Variants in ZCCHC7 observed in about 807,000 individuals in gnomAD.
ZCCHC7 encodes zinc finger CCHC domain-containing protein 7.
ZCCHC7 carries 35 observed loss-of-function variants against 52.0 expected under a neutral mutation model. The observed-to-expected ratio is 0.67, with a 90% CI of 0.51 to 0.89. The LOEUF (loss-of-function observed/expected upper bound fraction) is 0.89, where lower values mean the gene tolerates loss of function less well. ZCCHC7 is among the 40% of genes least tolerant of loss of function. ZCCHC7 has a pLI of 0.00. For missense variants in ZCCHC7, 574 were observed against 649.1 expected (o/e 0.88, Z 1.26); for synonymous variants, 217 against 221.5 (o/e 0.98, Z 0.18).
In ZCCHC7 at chr9:37,288,348, A is replaced by ATT. The variant is rs34571526; in HGVS notation, c.611-13828_611-13827dup. ...GATAGATTTTTTTATAGGTAGATAG[A>ATT]TTTTTTTTTTTTTCTGGAGCTAAAT... On this transcript the variant is annotated intron_variant, in intron 2 of 8. Transcript: ENST00000336755. Among the ~76,000 whole-genome samples, 514 of 141,368 alleles carry ATT rather than the reference A, an allele frequency of 3.6e-3. 1 individual carries two copies. The highest frequency in any genetic ancestry group is 0.01 in the East Asian group (49 of 4,826). 92.7% of individuals were successfully genotyped at this position (141,368 alleles called of 152,430 possible).
intron 5 of ZCCHC7, among the ~76,000 whole-genome samples, chr9:37,307,854 CAGT>C (rs1341924094): frequency 1.3e-5 from 2 of 152,074 alleles, no homozygotes; most frequent in African/African-American, 2.4e-5. Flanking sequence ...TTTAAACAAA[CAGT>C]GGTGCATTTA....
intron 5 of ZCCHC7, among the ~76,000 whole-genome samples, chr9:37,308,019 T>A (rs571166910): frequency 6.6e-6 from 1 of 152,206 alleles, no homozygotes; most frequent in Non-Finnish European, 1.5e-5. Flanking sequence ...AGCACTGCAC[T>A]CATCAACATT....
At chr9:37,194,432 A>G (rs188410560) in intron 2 of ZCCHC7, among the ~76,000 whole-genome samples, 14 of 152,286 alleles carry the variant, frequency 9.2e-5, no homozygotes, top group African/African-American at 3.4e-4. Flanking sequence ...AGGATGAAGC[A>G]GTGTATTTAG....
intron 4 of ZCCHC7, among the ~76,000 whole-genome samples, chr9:37,304,657 G>GAA (rs200820613): frequency 4.1e-4 from 58 of 140,052 alleles, no homozygotes; most frequent in African/African-American, 9.0e-4. Flanking sequence ...CTCTGTCTCA[G>GAA]AAAAAAAAAA....
intron 2 of ZCCHC7, among the ~76,000 whole-genome samples, chr9:37,290,001 C>A (rs1397064406): frequency 6.6e-6 from 1 of 152,194 alleles, no homozygotes; most frequent in Non-Finnish European, 1.5e-5. Context: ...AAAATTATAA[C>A]CCGTACCCAA....
intron 2 of ZCCHC7, among the ~76,000 whole-genome samples, chr9:37,224,446 G>A (rs1824991098): frequency 6.6e-6 from 1 of 152,178 alleles, no homozygotes; most frequent in African/African-American, 2.4e-5. Context: ...AGCCATGACA[G>A]AGTCCCAGGG....
At chr9:37,303,500 G>A (rs959007285) in intron 3 of ZCCHC7, among the ~76,000 whole-genome samples, 37 of 151,024 alleles carry the variant, frequency 2.4e-4, no homozygotes, top group Non-Finnish European at 4.4e-4. Flanking sequence ...TCTAAGTGAT[G>A]CATGTCAGTA....
intron 6 of ZCCHC7, among the ~76,000 whole-genome samples, chr9:37,332,201 G>C (rs910841574): frequency 6.6e-6 from 1 of 151,458 alleles, no homozygotes; most frequent in African/African-American, 2.4e-5. Flanking sequence ...AATGCCCTTA[G>C]TACTAAAATA....
chr9:37,149,676 G>T (rs989131411), intron 2 of ZCCHC7, among the ~76,000 whole-genome samples: 1 of 151,964 alleles, frequency 6.6e-6, no homozygotes, highest in East Asian at 1.9e-4. Flanking sequence ...ATAGTGTTTC[G>T]CATGTAATAT....
chr9:37,259,187 A>G (rs1378161734), intron 2 of ZCCHC7, among the ~76,000 whole-genome samples: 3 of 152,236 alleles, frequency 2.0e-5, no homozygotes, highest in Non-Finnish European at 4.4e-5. Context: ...GCAAGGGGAA[A>G]AGTACAGTTA....
At chr9:37,223,927 C>T (rs1824960157) in intron 2 of ZCCHC7, among the ~76,000 whole-genome samples, 1 of 151,920 alleles carries the variant, frequency 6.6e-6, no homozygotes, top group Non-Finnish European at 1.5e-5. Context: ...AAATTTATGC[C>T]TAAAAAAGAC....
intron 6 of ZCCHC7, among the ~76,000 whole-genome samples, chr9:37,338,788 C>T (rs308523): frequency 0.43 from 65,611 of 151,618 alleles, 15,512 homozygotes; most frequent in African/African-American, 0.62. Context: ...TTTTTGTTTT[C>T]TTTTTAAACA....
At chr9:37,147,135 A>G (rs189107886) in intron 2 of ZCCHC7, among the ~76,000 whole-genome samples, 2 of 152,082 alleles carry the variant, frequency 1.3e-5, no homozygotes, top group African/African-American at 4.8e-5. Flanking sequence ...ATTGAATTAT[A>G]TATATCAATT....
At chr9:37,212,686 A>T (rs1824305873) in intron 2 of ZCCHC7, among the ~76,000 whole-genome samples, 1 of 152,154 alleles carries the variant, frequency 6.6e-6, no homozygotes, top group African/African-American at 2.4e-5. Flanking sequence ...TGTTGGATGA[A>T]TTGCTTCTCT....
chr9:37,166,899 T>C (rs1480556789), intron 2 of ZCCHC7, among the ~76,000 whole-genome samples: 1 of 152,224 alleles, frequency 6.6e-6, no homozygotes, highest in Non-Finnish European at 1.5e-5. Context: ...ATGTATTGTG[T>C]TCAAATAAAA....
chr9:37,315,074 G>A (rs140900505), intron 5 of ZCCHC7, among the ~76,000 whole-genome samples: 49 of 150,818 alleles, frequency 3.2e-4, no homozygotes, highest in Non-Finnish European at 5.5e-4. Flanking sequence ...CACACAGTTC[G>A]TCTTGAAAAC....
At chr9:37,251,635 T>C (rs923587944) in intron 2 of ZCCHC7, among the ~76,000 whole-genome samples, 6 of 152,200 alleles carry the variant, frequency 3.9e-5, no homozygotes, top group African/African-American at 1.4e-4. Flanking sequence ...AAGTTGTATT[T>C]AATCAGGGTC....
intron 2 of ZCCHC7, among the ~76,000 whole-genome samples, chr9:37,224,208 A>C (rs1002627912): frequency 7.2e-5 from 11 of 152,154 alleles, no homozygotes; most frequent in African/African-American, 2.7e-4. Flanking sequence ...TTAAACTTAC[A>C]AAATCATTTT....
At chr9:37,316,580 GT>G (rs1829833788) in intron 5 of ZCCHC7, among the ~76,000 whole-genome samples, 1 of 145,472 alleles carries the variant, frequency 6.9e-6, no homozygotes, top group Non-Finnish European at 1.5e-5. Flanking sequence ...CCGTCTCAGC[GT>G]CCCAAAGTGC....
Sources: gnomAD v4.1 joint callset for allele counts (sites outside exome capture counted in the v4.1 genomes callset) on GRCh38, gnomAD v4.1.1 for gene constraint, MANE v1.5 for transcripts, NCBI Gene and HGNC (gene_info 2026-07-23, HGNC 2026-07-21) for gene names.